ZNF75A: variants seen among roughly 807,000 people sequenced by gnomAD.
The protein encoded by ZNF75A is zinc finger protein 75A.
Under a neutral mutation model 46.3 loss-of-function variants are expected in ZNF75A, and 36 were observed. The ratio of observed to expected loss-of-function variants is 0.78; its 90% CI spans 0.60 to 1.03. The LOEUF is 1.03. Ranked by LOEUF, ZNF75A falls within the 50% of genes least tolerant of loss-of-function variation. The pLI, the probability that ZNF75A is intolerant of heterozygous loss-of-function variation, is 0.00. For synonymous variants in ZNF75A, 234 were observed against 189.9 expected (o/e 1.23, Z -1.91); for missense variants, 595 against 551.3 (o/e 1.08, Z -0.79).
chr16:3,323,002 C>G, downstream of ZNF75A: 3 of 859,374 alleles, frequency 3.5e-6, no homozygotes, highest in Non-Finnish European at 2.8e-6. Context: ...TGGAACTGGA[C>G]TGTGATGAGA....
chr16:3,306,991 GCC>G (rs1960319981), intron 1 of ZNF75A: 1 of 144,836 alleles, frequency 6.9e-6, no homozygotes, highest in Admixed American at 6.9e-5. Context: ...TCGTTTTGCT[GCC>G]CTGGCTGGAG....
chr16:3,310,481 T>A (rs1960673041), intron 2 of ZNF75A: 1 of 157,216 alleles, frequency 6.4e-6, no homozygotes, highest in Non-Finnish European at 1.4e-5. Flanking sequence ...AAAAATCAGC[T>A]GGGCATGGTG....
At position 3,317,508 on chromosome 16, in the gene ZNF75A, T is replaced by C. The variant is rs1357107382; in HGVS notation, c.1253T>C (p.Ile418Thr). ...GKTFRVSSDL[I>T]KHQRIHTEEK... The stretch of plus-strand genomic sequence containing the variant: ...ACCTTCAGAGTTAGCTCTGACCTTA[T>C]TAAGCACCAAAGAATTCACACTGAA... The change falls in exon 7 of 7, where the codon ATT (isoleucine) becomes ACT (threonine). Residue 418 changes from isoleucine to threonine, a missense_variant. Coordinates refer to ENST00000669516, the MANE Select transcript of ZNF75A (RefSeq NM_001302109.2). The C allele has an allele frequency of 2.5e-6, 4 of 1,613,968 alleles. No homozygotes were observed. Among genetic ancestry groups the C allele is most frequent in the Non-Finnish European group, 3.4e-6 (4 of 1,179,972 alleles).
chr16:3,316,869 T>G, intron 5 of ZNF75A, 43 bp from the exon 6 acceptor site: 2 of 1,390,766 alleles, frequency 1.4e-6, no homozygotes, highest in Non-Finnish European at 2.0e-6. Context: ...ACCAGTTCAC[T>G]GTTAAGTTAC....
In ZNF75A at chr16:3,308,566, C is replaced by T. The variant is rs1446754774; in HGVS notation, c.138C>T (p.Ser46=). The change falls in exon 2 of 7, where the codon AGC becomes AGT. Residue 46 remains serine, a synonymous_variant. Transcript: ENST00000669516. Reference sequence around the variant, plus strand: ...AAATGGACTGTCTCGATCCTAAGAGCTCTTGCTGGCACTTCCGGAATTTCA... The same window carrying T: ...AAATGGACTGTCTCGATCCTAAGAGTTCTTGCTGGCACTTCCGGAATTTCA... ...SPQMDCLDPK[S]SCWHFRNFTY... is the part of the protein sequence containing the mutation. The T allele has an allele frequency of 1.3e-5, 13 of 985,842 alleles. No individual in the cohort carries two copies. Among genetic ancestry groups the T allele is most frequent in the Non-Finnish European group, 1.6e-5 (13 of 830,000 alleles). The allele number at this position is 985,842 out of a possible 1,614,324, so 61.1% of individuals were successfully genotyped here.
chr16:3,322,821 C>G (rs2150838694), downstream of ZNF75A: 7 of 769,244 alleles, frequency 9.1e-6, no homozygotes, highest in Non-Finnish European at 1.1e-5. Context: ...TCTCCAGATT[C>G]AATTATGTCC....
rs909008380 is a variant in ZNF75A at position 3,305,507 on chromosome 16, T to A, written c.-253T>A. 1.3e-5 allele frequency: 2 copies of A among 152,356 alleles called. No individual in the cohort carries two copies. Among genetic ancestry groups the A allele is most frequent in the South Asian group, 4.1e-4 (2 of 4,836 alleles). The allele number at this position is 152,356 out of a possible 1,614,324, so 9.4% of individuals were successfully genotyped here. The stretch of plus-strand genomic sequence containing the variant: ...CCACTTCCGGCCGGCGCTCTGGCTC[T>A]GTACCTGGACAGGGCTGCGGTAGGC... On this transcript the variant is annotated 5_prime_UTR_variant, in exon 1 of 7. Coordinates refer to ENST00000669516, the MANE Select transcript of ZNF75A (RefSeq NM_001302109.2).
chr16:3,313,884 GT>G (rs1960998373), intron 5 of ZNF75A, among the ~76,000 whole-genome samples: 1 of 152,124 alleles, frequency 6.6e-6, no homozygotes, highest in Admixed American at 6.5e-5. Context: ...CCCTTGCTCA[GT>G]CCTCACCAGC....
At position 3,317,340 on chromosome 16, in the gene ZNF75A, G is replaced by T. The variant is rs766991399; in HGVS notation, c.1085G>T (p.Arg362Ile). The T allele has an allele frequency of 1.9e-6, 3 of 1,614,116 alleles. No homozygotes were observed. In the Admixed American group the frequency reaches 5.0e-5, roughly 27 times the overall value. The change falls in exon 7 of 7, where the codon AGA becomes ATA. Residue 362 changes from arginine to isoleucine, a missense_variant. Arg to Ile is a moderately conservative substitution (Grantham distance 97, BLOSUM62 -3). Coordinates refer to ENST00000669516, the MANE Select transcript of ZNF75A (RefSeq NM_001302109.2). ...AGKENHFDMH[R>I]VGKWHQDFPV... ...AAAGAAAATCATTTTGATATGCACA[G>T]AGTGGGAAAATGGCACCAAGATTTT...
chr16:3,323,137 C>CA (rs1056094802), downstream of ZNF75A: 15 of 542,682 alleles, frequency 2.8e-5, no homozygotes, highest in Non-Finnish European at 3.8e-5. Flanking sequence ...AACAAAAACA[C>CA]ATGCTTCCAC....
intron 2 of ZNF75A, among the ~76,000 whole-genome samples, chr16:3,311,216 T>TA (rs113889794): frequency 0.062 from 9,401 of 151,930 alleles, 980 homozygotes; most frequent in African/African-American, 0.21. Context: ...GGTGGGCAGA[T>TA]TACCTGAGTT....
In ZNF75A at chr16:3,308,681, G is replaced by T; in HGVS notation, c.253G>T (p.Glu85Ter). 2 of 992,164 alleles carry T rather than the reference G, an allele frequency of 2.0e-6. No homozygotes were observed. Among genetic ancestry groups the T allele is most frequent in the South Asian group, 9.0e-5 (2 of 22,308 alleles). The allele number at this position is 992,164 out of a possible 1,614,324, so 61.5% of individuals were successfully genotyped here. The stretch of plus-strand genomic sequence containing the variant: ...GCTGAAGCCAGAGATCCACTCAAAA[G>T]AGCAGATACTGGAACTGCTGGTGCT... ...LWLKPEIHSK[E>*]QILELLVLEQ... is the part of the protein sequence containing the mutation. Residue 85 changes from glutamate to a stop codon, truncating the protein, a stop_gained, in exon 2 of 7, where the codon GAG (glutamate) becomes TAG (stop). Coordinates refer to ENST00000669516, the MANE Select transcript of ZNF75A (RefSeq NM_001302109.2). LOFTEE classifies it high-confidence loss of function.
Position 3,318,526 on chromosome 16 carries a change from A to T in ZNF75A, c.*657A>T. 1 of 985,412 alleles carries T rather than the reference A, an allele frequency of 1.0e-6. No individual in the cohort carries two copies. The highest frequency in any genetic ancestry group is 1.2e-6 in the Non-Finnish European group (1 of 829,898). 61.0% of individuals were successfully genotyped at this position (985,412 alleles called of 1,614,324 possible). A position where few individuals can be genotyped will look rare whatever the true frequency, so the allele number is the denominator to read the frequency against. ...GGGTTGGAATTTGTAGCCATGGAAT[A>T]TATATTAGATGTAAAGAATTTTCTG... On this transcript the variant is annotated 3_prime_UTR_variant, in exon 7 of 7. Transcript: ENST00000669516.
In ZNF75A at chr16:3,318,466, A is replaced by G. The variant is rs977081824; in HGVS notation, c.*597A>G. On this transcript the variant is annotated 3_prime_UTR_variant, in exon 7 of 7. Coordinates refer to ENST00000669516, the MANE Select transcript of ZNF75A (RefSeq NM_001302109.2). Reference sequence around the variant, plus strand: ...GCCTCTCATTGGTGATGTTTGGAAAATAGAAGACATCTCTAATGGAATCAT... The same window carrying G: ...GCCTCTCATTGGTGATGTTTGGAAAGTAGAAGACATCTCTAATGGAATCAT... 1.0e-6 allele frequency: 1 copy of G among 985,362 alleles called. No homozygotes were observed. Among genetic ancestry groups the G allele is most frequent in the Admixed American group, 6.1e-5 (1 of 16,264 alleles). The allele number at this position is 985,362 out of a possible 1,614,324, so 61.0% of individuals were successfully genotyped here. A position where few individuals can be genotyped will look rare whatever the true frequency, so the allele number is the denominator to read the frequency against.
At chr16:3,315,140 G>C in intron 5 of ZNF75A, 2 of 958,382 alleles carry the variant, frequency 2.1e-6, no homozygotes, top group South Asian at 4.8e-5. Flanking sequence ...ATCTCAGTAA[G>C]GGGCATCAGC....
At chr16:3,315,657 T>C (rs1490499284) in intron 5 of ZNF75A, among the ~76,000 whole-genome samples, 1 of 152,332 alleles carries the variant, frequency 6.6e-6, no homozygotes, top group East Asian at 1.9e-4. Context: ...AGCAGATCAA[T>C]GTCAGTAGCT....
chr16:3,320,852 G>C (rs905152199), downstream of ZNF75A, among the ~76,000 whole-genome samples: 1 of 152,238 alleles, frequency 6.6e-6, no homozygotes. Flanking sequence ...GTCCAGATCA[G>C]TGTAGACAGT....
At chr16:3,323,259 C>G (rs1156973172), downstream of ZNF75A, 2 of 799,222 alleles carry the variant, frequency 2.5e-6, no homozygotes, top group Non-Finnish European at 4.4e-6. Flanking sequence ...CTTGAGGAAG[C>G]CCACTGTATT....
At position 3,318,552 on chromosome 16, in the gene ZNF75A, C is replaced by T; in HGVS notation, c.*683C>T. On this transcript the variant is annotated 3_prime_UTR_variant, in exon 7 of 7. Transcript: ENST00000669516. ...TATATTAGATGTAAAGAATTTTCTG[C>T]AATAAAAGAAACTAGACTTGTTAAT... The T allele has an allele frequency of 2.0e-6, 2 of 985,330 alleles. No individual in the cohort carries two copies. Among genetic ancestry groups the T allele is most frequent in the Non-Finnish European group, 2.4e-6 (2 of 829,908 alleles). 61.0% of individuals were successfully genotyped at this position (985,330 alleles called of 1,614,324 possible). A position where few individuals can be genotyped will look rare whatever the true frequency, so the allele number is the denominator to read the frequency against.
Sources: allele counts gnomAD v4.1 joint callset (sites outside exome capture counted in the v4.1 genomes callset), GRCh38; gene constraint gnomAD v4.1.1; transcripts MANE v1.5; gene names NCBI Gene and HGNC (gene_info 2026-07-23, HGNC 2026-07-21).